The following ZCWPW2 variants were observed in gnomAD, a reference collection of about 807,000 sequenced individuals.
ZCWPW2 encodes zinc finger CW-type and PWWP domain containing 2.
In ZCWPW2, 45 loss-of-function variants were observed where a neutral mutation model predicts 46.6. That is an observed-to-expected ratio of 0.96 (90% CI 0.76 to 1.24). ZCWPW2 has a LOEUF of 1.24. Ranked by LOEUF, ZCWPW2 falls within the 50% of genes most tolerant of loss-of-function variation. The pLI, the probability that ZCWPW2 is intolerant of heterozygous loss-of-function variation, is 0.00. For synonymous variants in ZCWPW2, 152 were observed against 137.1 expected, an observed-to-expected ratio of 1.11 and a Z score of -0.76; for missense variants, 429 against 403.9, an observed-to-expected ratio of 1.06 and a Z score of -0.53.
intron 4 of ZCWPW2, among the ~76,000 whole-genome samples, chr3:28,449,494 T>C (rs907229324): frequency 1.3e-5 from 2 of 152,094 alleles, no homozygotes; most frequent in African/African-American, 4.8e-5. Flanking sequence ...GGAGACAAAG[T>C]AGAATGGTGC....
chr3:28,369,582 C>G (rs1186069586), intron 1 of ZCWPW2, among the ~76,000 whole-genome samples: 1 of 152,168 alleles, frequency 6.6e-6, no homozygotes, highest in Non-Finnish European at 1.5e-5. Context: ...GAGGTGCCTC[C>G]CAGTTAGGCT....
chr3:28,499,184 A>T (rs1700077579), intron 6 of ZCWPW2, among the ~76,000 whole-genome samples: 3 of 152,132 alleles, frequency 2.0e-5, no homozygotes. Context: ...TGCTGGACCA[A>T]ATGTTATTTC....
intron 4 of ZCWPW2, among the ~76,000 whole-genome samples, chr3:28,439,868 T>C (rs1428700928): frequency 6.6e-6 from 1 of 152,204 alleles, no homozygotes; most frequent in African/African-American, 2.4e-5. Context: ...CTCATGACAA[T>C]TACAGTCCCA....
At chr3:28,381,643 T>G (rs1239185002) in intron 1 of ZCWPW2, among the ~76,000 whole-genome samples, 1 of 152,020 alleles carries the variant, frequency 6.6e-6, no homozygotes, top group Admixed American at 6.6e-5. Flanking sequence ...ATAAATTAGA[T>G]GAGCATGGTG....
rs1319005024 is a variant in ZCWPW2, at chr3:28,525,091, T to C, written c.*403T>C. ...AAATCTAATAAACTTAGAGAATGTATATTTGCAGTGGAATCAAACTATTAC... is the reference window on the plus strand; with the variant it reads ...AAATCTAATAAACTTAGAGAATGTACATTTGCAGTGGAATCAAACTATTAC... On this transcript the variant is annotated 3_prime_UTR_variant, in exon 10 of 10. Transcript: ENST00000383768. The C allele has an allele frequency of 6.6e-6, 1 of 152,452 alleles. No individual in the cohort carries two copies. The highest frequency in any genetic ancestry group is 1.5e-5 in the Non-Finnish European group (1 of 68,222). 9.4% of individuals were successfully genotyped at this position (152,452 alleles called of 1,614,324 possible).
At chr3:28,357,318 C>T (rs1417382864) in intron 1 of ZCWPW2, among the ~76,000 whole-genome samples, 1 of 152,162 alleles carries the variant, frequency 6.6e-6, no homozygotes, top group African/African-American at 2.4e-5. Flanking sequence ...CGTCCAAACT[C>T]ACAACTCACA....
intron 3 of ZCWPW2, among the ~76,000 whole-genome samples, chr3:28,434,369 A>C (rs1204994641): frequency 6.6e-6 from 1 of 152,232 alleles, no homozygotes; most frequent in Non-Finnish European, 1.5e-5. Flanking sequence ...ACAACAAAAA[A>C]AAGTAGAATA....
intron 4 of ZCWPW2, among the ~76,000 whole-genome samples, chr3:28,471,270 T>G (rs563017923): frequency 1.3e-5 from 2 of 152,240 alleles, no homozygotes; most frequent in African/African-American, 4.8e-5. Context: ...CCAGTATTAC[T>G]CTGGTACCAA....
At chr3:28,523,516 T>G (rs1190411688) in intron 9 of ZCWPW2, among the ~76,000 whole-genome samples, 1 of 152,136 alleles carries the variant, frequency 6.6e-6, no homozygotes, top group Non-Finnish European at 1.5e-5. Flanking sequence ...AGTTAAGTAC[T>G]CCAAAGAGAC....
At chr3:28,423,193 A>AT (rs899144359) in intron 3 of ZCWPW2, among the ~76,000 whole-genome samples, 20 of 151,470 alleles carry the variant, frequency 1.3e-4, no homozygotes, top group Non-Finnish European at 2.8e-4. Context: ...CAGAGCAGGT[A>AT]TTTTTTTATT....
chr3:28,424,759 A>C (rs1416514384), intron 3 of ZCWPW2, among the ~76,000 whole-genome samples: 1 of 152,210 alleles, frequency 6.6e-6, no homozygotes. Flanking sequence ...GGCCTTTGTT[A>C]CTGAGGGCTT....
chr3:28,454,068 T>G (rs2125782455), intron 4 of ZCWPW2, among the ~76,000 whole-genome samples: 1 of 151,830 alleles, frequency 6.6e-6, no homozygotes, highest in African/African-American at 2.4e-5. Flanking sequence ...ATGGTCTCGA[T>G]CTCCTGACCT....
intron 4 of ZCWPW2, among the ~76,000 whole-genome samples, chr3:28,472,908 A>T (rs1252625651): frequency 6.6e-6 from 1 of 152,188 alleles, no homozygotes; most frequent in Non-Finnish European, 1.5e-5. Flanking sequence ...ATCTAATAAA[A>T]AAATGGGCAA....
Position 28,348,982 on chromosome 3 carries a change from G to A in ZCWPW2, c.-355G>A. On this transcript the variant is annotated 5_prime_UTR_variant, in exon 1 of 10. Coordinates refer to ENST00000383768, the MANE Select transcript of ZCWPW2 (RefSeq NM_001040432.4). ...TGGAAGTGTGGATGAGCTCTCAGCC[G>A]GAAAAGGGGCTGCCGCTGTCCGCGG... 3.0e-6 allele frequency: 3 copies of A among 985,740 alleles called. No homozygotes were observed. The highest frequency in any genetic ancestry group is 3.6e-6 in the Non-Finnish European group (3 of 830,170). The allele number at this position is 985,740 out of a possible 1,614,324, so 61.1% of individuals were successfully genotyped here.
At chr3:28,470,353 T>A (rs1698991700) in intron 4 of ZCWPW2, among the ~76,000 whole-genome samples, 1 of 151,684 alleles carries the variant, frequency 6.6e-6, no homozygotes, top group Admixed American at 6.6e-5. Context: ...AAAAATTAGC[T>A]GGGTGTGGTG....
chr3:28,435,371 G>T (rs896417390), intron 4 of ZCWPW2, 102 bp downstream of exon 4: 1 of 1,103,284 alleles, frequency 9.1e-7, no homozygotes, highest in African/African-American at 1.6e-5. Context: ...CTTTTAGATT[G>T]ATATAATGTA....
At chr3:28,510,910 G>T (rs1196666762) in intron 6 of ZCWPW2, 2 of 349,656 alleles carry the variant, frequency 5.7e-6, no homozygotes, top group African/African-American at 2.1e-5. Flanking sequence ...GGATTAGTAG[G>T]GAATGAAACA....
At chr3:28,515,449 AT>A in intron 7 of ZCWPW2, 104 bp from the exon 8 acceptor site, 1 of 826,214 alleles carries the variant, frequency 1.2e-6, no homozygotes, top group Non-Finnish European at 1.9e-6. Flanking sequence ...CCTTTAGAAA[AT>A]ATATGCATTT....
At chr3:28,393,602 A>G (rs1455777929) in intron 2 of ZCWPW2, among the ~76,000 whole-genome samples, 1 of 152,178 alleles carries the variant, frequency 6.6e-6, no homozygotes, top group Non-Finnish European at 1.5e-5. Context: ...TGATCAAATG[A>G]AATTTATCTT....
Sources: allele counts gnomAD v4.1 joint callset (sites outside exome capture counted in the v4.1 genomes callset), GRCh38; gene constraint gnomAD v4.1.1; transcripts MANE v1.5; gene names NCBI Gene and HGNC (gene_info 2026-07-23, HGNC 2026-07-21).